WDPCP: variants seen among roughly 807,000 people sequenced by gnomAD.
WDPCP encodes WD repeat containing planar cell polarity effector, also known as WD repeat-containing and planar cell polarity effector protein fritz homolog.
A neutral mutation model predicts 93.1 loss-of-function variants in WDPCP; 71 were observed. That is an observed-to-expected ratio of 0.76 (90% CI 0.63 to 0.93). The LOEUF (loss-of-function observed/expected upper bound fraction) is 0.93. WDPCP is among the 40% of genes least tolerant of loss of function. The pLI is 0.00. For synonymous variants in WDPCP, 315 were observed against 315.0 expected, an observed-to-expected ratio of 1.00 and a Z score of 0.00; for missense variants, 844 against 887.4, an observed-to-expected ratio of 0.95 and a Z score of 0.62.
At chr2:63,839,311 G>A in the WDPCP span, among the ~76,000 whole-genome samples, 1 of 152,240 alleles carries the variant, frequency 6.6e-6, no homozygotes, top group African/African-American at 2.4e-5. Flanking sequence ...TGTAATCCCA[G>A]CACTTTGGGA....
At chr2:63,394,501 C>G (rs991614363) in intron 10 of WDPCP, among the ~76,000 whole-genome samples, 2 of 152,028 alleles carry the variant, frequency 1.3e-5, no homozygotes, top group Non-Finnish European at 2.9e-5. Context: ...GAACTTGAAA[C>G]AGAATTGCCA....
intron 2 of WDPCP, among the ~76,000 whole-genome samples, chr2:63,745,890 T>G (rs1299264857): frequency 6.6e-6 from 1 of 152,190 alleles, no homozygotes; most frequent in Non-Finnish European, 1.5e-5. Context: ...TGAGTTCCCA[T>G]TAAGGCAGAT....
intron 2 of WDPCP, among the ~76,000 whole-genome samples, chr2:63,723,546 A>AC (rs1396715503): frequency 1.3e-5 from 2 of 152,188 alleles, no homozygotes; most frequent in African/African-American, 4.8e-5. Context: ...TGGCTGCCTA[A>AC]CCCCTCACAC....
intron 10 of WDPCP, among the ~76,000 whole-genome samples, chr2:63,401,961 T>TC (rs547599892): frequency 6.7e-4 from 102 of 152,216 alleles, no homozygotes; most frequent in Middle Eastern, 3.4e-3. Flanking sequence ...TACCCAGCAA[T>TC]CCCATTACTG....
intron 1 of WDPCP, among the ~76,000 whole-genome samples, chr2:63,529,142 C>T (rs1310501502): frequency 2.6e-5 from 4 of 152,178 alleles, no homozygotes; most frequent in East Asian, 3.8e-4. Flanking sequence ...TCTAAATATA[C>T]AATCGTGCCA....
At chr2:63,641,513 A>C (rs1279428982) in intron 3 of WDPCP, among the ~76,000 whole-genome samples, 1 of 151,998 alleles carries the variant, frequency 6.6e-6, no homozygotes, top group Non-Finnish European at 1.5e-5. Context: ...ATCTCACTGT[A>C]GTTTTGTTTT....
intron 13 of WDPCP, among the ~76,000 whole-genome samples, chr2:63,296,697 GC>G (rs1254747375): frequency 6.6e-6 from 1 of 152,068 alleles, no homozygotes; most frequent in Non-Finnish European, 1.5e-5. Flanking sequence ...ATTTACAGCA[GC>G]CATAAAAATT....
intron 6 of WDPCP, among the ~76,000 whole-genome samples, chr2:63,475,725 T>G (rs1271104004): frequency 6.6e-6 from 1 of 152,112 alleles, no homozygotes; most frequent in Non-Finnish European, 1.5e-5. Flanking sequence ...CCCTCTAATT[T>G]TTAGGGAAAT....
chr2:63,645,805 A>T (rs1710041112), intron 3 of WDPCP, among the ~76,000 whole-genome samples: 1 of 152,098 alleles, frequency 6.6e-6, no homozygotes, highest in Non-Finnish European at 1.5e-5. Context: ...ATTTTGTCTG[A>T]TATAAGTATA....
intron 13 of WDPCP, among the ~76,000 whole-genome samples, chr2:63,274,526 T>G (rs182422286): frequency 1.9e-4 from 29 of 151,796 alleles, no homozygotes; most frequent in Admixed American, 6.6e-4. Flanking sequence ...CACAAGAAAA[T>G]TGGTTCACTG....
At chr2:63,140,009 C>A (rs1283082923) in intron 17 of WDPCP, among the ~76,000 whole-genome samples, 1 of 152,014 alleles carries the variant, frequency 6.6e-6, no homozygotes, top group Non-Finnish European at 1.5e-5. Context: ...AGATGAGGAT[C>A]CAGTTTCATT....
At chr2:63,460,190 G>T (rs982635071) in intron 6 of WDPCP, among the ~76,000 whole-genome samples, 25 of 152,218 alleles carry the variant, frequency 1.6e-4, no homozygotes, top group Non-Finnish European at 1.2e-4. Flanking sequence ...TAGCAACATG[G>T]ATGGAACTGG....
intron 3 of WDPCP, among the ~76,000 whole-genome samples, chr2:63,601,280 T>G (rs1709413091): frequency 6.6e-6 from 1 of 152,220 alleles, no homozygotes; most frequent in African/African-American, 2.4e-5. Context: ...TAAGTTTTTC[T>G]TACAGGACTG....
At chr2:63,840,469 G>T in the WDPCP span, among the ~76,000 whole-genome samples, 1 of 152,230 alleles carries the variant, frequency 6.6e-6, no homozygotes, top group South Asian at 2.1e-4. Flanking sequence ...TGGTTCCGGT[G>T]AGGGAGCCTT....
At chr2:63,497,122 A>AAAG (rs1204432759) in intron 1 of WDPCP, among the ~76,000 whole-genome samples, 1 of 151,118 alleles carries the variant, frequency 6.6e-6, no homozygotes, top group Non-Finnish European at 1.5e-5. Flanking sequence ...AAAAAAAAAA[A>AAAG]AAAAAAAAAA....
intron 14 of WDPCP, among the ~76,000 whole-genome samples, chr2:63,249,931 T>G (rs138762485): frequency 1.1e-4 from 16 of 152,328 alleles, no homozygotes; most frequent in Admixed American, 2.6e-4. Context: ...CAGTTTGAGG[T>G]GCAACAGCAC....
chr2:63,450,314 G>T (rs1698149610), intron 6 of WDPCP, among the ~76,000 whole-genome samples: 1 of 152,118 alleles, frequency 6.6e-6, no homozygotes, highest in Non-Finnish European at 1.5e-5. Flanking sequence ...TTGCTGAGCA[G>T]CACTGTGGTG....
At chr2:63,138,610 G>A (rs527590577) in intron 17 of WDPCP, among the ~76,000 whole-genome samples, 140 of 151,730 alleles carry the variant, frequency 9.2e-4, no homozygotes, top group Non-Finnish European at 1.8e-3. Context: ...CCGTCACCTC[G>A]CCCGGCTAAT....
intron 14 of WDPCP, among the ~76,000 whole-genome samples, chr2:63,214,131 C>T (rs1008659586): frequency 6.6e-6 from 1 of 152,152 alleles, no homozygotes; most frequent in African/African-American, 2.4e-5. Context: ...GTGAGGCCAG[C>T]ATCATCCTGA....
Sources: allele counts gnomAD v4.1 joint callset (sites outside exome capture counted in the v4.1 genomes callset), GRCh38; gene constraint gnomAD v4.1.1; transcripts MANE v1.5; gene names NCBI Gene and HGNC (gene_info 2026-07-23, HGNC 2026-07-21).